STOX2: variants seen among roughly 807,000 people sequenced by gnomAD.
STOX2 encodes the protein storkhead box 2, also known as storkhead-box protein 2.
Under a neutral mutation model 60.9 loss-of-function variants are expected in STOX2, and 28 were observed. The observed-to-expected ratio is 0.46, with a 90% CI of 0.34 to 0.63. The LOEUF (loss-of-function observed/expected upper bound fraction) is 0.63, where lower values mean the gene tolerates loss of function less well. Among genes scored for constraint, STOX2 ranks in the 30% least tolerant of loss-of-function variants. The probability of loss-of-function intolerance (pLI) is 0.01; values close to 1 mark genes in which losing one functional copy is unlikely to be tolerated. For synonymous variants in STOX2, 472 were observed against 463.9 expected (o/e 1.02, Z -0.22); for missense variants, 1,024 against 1,187.7 (o/e 0.86, Z 2.03).
intron 1 of STOX2, among the ~76,000 whole-genome samples, chr4:183,999,937 G>T (rs1283764338): frequency 6.6e-6 from 1 of 152,156 alleles, no homozygotes; most frequent in South Asian, 2.1e-4. Flanking sequence ...GGTCAACCAT[G>T]GTAGCTTATT....
At chr4:183,937,200 C>T (rs1259104419) in intron 1 of STOX2, among the ~76,000 whole-genome samples, 4 of 152,284 alleles carry the variant, frequency 2.6e-5, no homozygotes, top group East Asian at 3.9e-4. Context: ...CTTAGTAACA[C>T]GCAAGGAAAA....
intron 1 of STOX2, among the ~76,000 whole-genome samples, chr4:183,965,973 G>A (rs533876107): frequency 6.6e-6 from 1 of 151,782 alleles, no homozygotes; most frequent in East Asian, 1.9e-4. Context: ...GGATTTATGG[G>A]ATAGAGTGAA....
chr4:183,858,483 G>A (rs1308161028), intron 1 of STOX2, among the ~76,000 whole-genome samples: 1 of 152,162 alleles, frequency 6.6e-6, no homozygotes, highest in Non-Finnish European at 1.5e-5. Flanking sequence ...TGCCTCATTC[G>A]TGCACTGTTT....
At chr4:183,852,812 G>A (rs1178680187) in intron 1 of STOX2, among the ~76,000 whole-genome samples, 1 of 152,232 alleles carries the variant, frequency 6.6e-6, no homozygotes, top group Non-Finnish European at 1.5e-5. Flanking sequence ...GTAAGTAGTA[G>A]AGAGTAGAAA....
chr4:184,007,489 C>T (rs553835436), intron 2 of STOX2, among the ~76,000 whole-genome samples: 2 of 152,298 alleles, frequency 1.3e-5, no homozygotes, highest in African/African-American at 4.8e-5. Flanking sequence ...GCTCCACACA[C>T]GAAACTCCTT....
chr4:183,986,622 A>G lies in STOX2; in HGVS notation c.167-14703A>G, dbSNP rs772137344. ...ACTCTAGGCAGCTAGAGAAGAGCTGATCTGGGCACAGGGACCTGGTTAGTG... is the reference window on the plus strand; with the variant it reads ...ACTCTAGGCAGCTAGAGAAGAGCTGGTCTGGGCACAGGGACCTGGTTAGTG... On this transcript the variant is annotated intron_variant, in intron 1 of 3. Coordinates refer to ENST00000308497, the MANE Select transcript of STOX2 (RefSeq NM_020225.3). Among the ~76,000 whole-genome samples the G allele has an allele frequency of 3.9e-5, 6 of 152,280 alleles. No individual in the cohort carries two copies. In the South Asian group the frequency reaches 6.2e-4, roughly 16 times the overall value.
At chr4:184,002,456 A>G (rs1733633582) in intron 2 of STOX2, among the ~76,000 whole-genome samples, 1 of 152,270 alleles carries the variant, frequency 6.6e-6, no homozygotes, top group South Asian at 2.1e-4. Context: ...ACAACTACAG[A>G]ACATCAAAGG....
intron 1 of STOX2, among the ~76,000 whole-genome samples, chr4:183,967,194 C>T (rs1189157617): frequency 2.0e-5 from 3 of 152,062 alleles, no homozygotes; most frequent in Non-Finnish European, 4.4e-5. Context: ...GAAACTCCAT[C>T]TCTACTAAAA....
At position 183,806,487 on chromosome 4, in the gene STOX2, G is replaced by A. The variant is rs1738892894; in HGVS notation, c.364+8432G>A. Among the ~76,000 whole-genome samples, 1 of 152,130 alleles carries A rather than the reference G, an allele frequency of 6.6e-6. No individual in the cohort carries two copies. Among genetic ancestry groups the A allele is most frequent in the South Asian group, 2.1e-4 (1 of 4,822 alleles). On this transcript the variant is annotated intron_variant, in intron 1 of 2. Coordinates refer to the STOX2 transcript ENST00000513034. This position sits in a 1 kb window ranked among gnomAD's most constrained non-coding sequence, Gnocchi z 4.1. ...GGGGCGCCCCATCTTCCTGCCGCCTGAGGTTGCTGCAGCCTTCTGTCTTCA... is the reference window on the plus strand; with the variant it reads ...GGGGCGCCCCATCTTCCTGCCGCCTAAGGTTGCTGCAGCCTTCTGTCTTCA...
At chr4:183,853,888 T>A (rs1740226928) in intron 1 of STOX2, 1 of 152,202 alleles carries the variant, frequency 6.6e-6, no homozygotes, top group African/African-American at 2.4e-5. Context: ...TGGAGGAAAC[T>A]CAGAAATTGG....
intron 1 of STOX2, among the ~76,000 whole-genome samples, chr4:183,917,366 T>C (rs1328785014): frequency 6.6e-6 from 1 of 152,222 alleles, no homozygotes; most frequent in Non-Finnish European, 1.5e-5. Flanking sequence ...ATGTGAACTT[T>C]GGTTTTAGGA....
At chr4:183,837,392 G>A (rs1739740183) in intron 1 of STOX2, among the ~76,000 whole-genome samples, 1 of 151,578 alleles carries the variant, frequency 6.6e-6, no homozygotes, top group Non-Finnish European at 1.5e-5. Context: ...CCTATAAGTG[G>A]AATCATACAG....
At chr4:183,880,823 G>A (rs1287509157) in intron 1 of STOX2, among the ~76,000 whole-genome samples, 1 of 152,136 alleles carries the variant, frequency 6.6e-6, no homozygotes, top group East Asian at 1.9e-4. Flanking sequence ...GAACATTGTG[G>A]GGTAATATTT....
At chr4:183,913,466 G>T (rs1741840948) in intron 1 of STOX2, among the ~76,000 whole-genome samples, 1 of 151,976 alleles carries the variant, frequency 6.6e-6, no homozygotes, top group Non-Finnish European at 1.5e-5. Context: ...GCAGTAAGAC[G>T]ACGGCCATAG....
chr4:183,893,770 A>G (rs115396405), intron 1 of STOX2, among the ~76,000 whole-genome samples: 1 of 152,294 alleles, frequency 6.6e-6, no homozygotes, highest in African/African-American at 2.4e-5. Context: ...CTTAAAAAAA[A>G]ACAAAAAACT....
At chr4:183,951,952 TAA>T (rs1259926383) in intron 1 of STOX2, among the ~76,000 whole-genome samples, 1 of 151,884 alleles carries the variant, frequency 6.6e-6, no homozygotes, top group Non-Finnish European at 1.5e-5. Context: ...TCTAAATAAA[TAA>T]ATAAAAAGTG....
chr4:183,811,758 CCT>C (rs1422872401), intron 1 of STOX2, among the ~76,000 whole-genome samples: 2 of 152,114 alleles, frequency 1.3e-5, no homozygotes, highest in East Asian at 1.9e-4. Context: ...TTTTTCCTCT[CCT>C]CTCTTTCTTC....
chr4:183,908,496 A>G (rs530205367), intron 1 of STOX2, among the ~76,000 whole-genome samples: 2 of 151,804 alleles, frequency 1.3e-5, no homozygotes, highest in African/African-American at 2.4e-5. Context: ...CGGTCCTGAC[A>G]CCAACTGTGA....
intron 1 of STOX2, among the ~76,000 whole-genome samples, chr4:183,924,589 T>C (rs1471972621): frequency 1.3e-5 from 2 of 152,128 alleles, no homozygotes; most frequent in Non-Finnish European, 2.9e-5. Context: ...GTCGGGTTAT[T>C]CTGAGCTTAA....
Sources: allele counts gnomAD v4.1 joint callset (sites outside exome capture counted in the v4.1 genomes callset), GRCh38; gene constraint gnomAD v4.1.1; non-coding constraint Gnocchi (gnomAD v3.1); transcripts MANE v1.5; gene names NCBI Gene and HGNC (gene_info 2026-07-23, HGNC 2026-07-21).